TANC2: variants seen among roughly 807,000 people sequenced by gnomAD.
The protein encoded by TANC2 is tetratricopeptide repeat, ankyrin repeat and coiled-coil containing 2.
A neutral mutation model predicts 210.5 loss-of-function variants in TANC2; 26 were observed. That is an observed-to-expected ratio of 0.12 (90% CI 0.09 to 0.17). The LOEUF (loss-of-function observed/expected upper bound fraction) is 0.17. Ranked by LOEUF, TANC2 falls within the 10% of genes least tolerant of loss-of-function variation. TANC2 has a pLI of 1.00. For missense variants in TANC2, 2,129 were observed against 2,608.9 expected, an observed-to-expected ratio of 0.82 and a Z score of 4.01; for synonymous variants, 931 against 967.1, an observed-to-expected ratio of 0.96 and a Z score of 0.69.
intron 12 of TANC2, among the ~76,000 whole-genome samples, chr17:63,346,926 A>G (rs2046432107): frequency 6.6e-6 from 1 of 150,740 alleles, no homozygotes; most frequent in South Asian, 2.1e-4. Flanking sequence ...GGCTGGTCTC[A>G]TACTCCTGGG....
At chr17:63,164,966 G>T (rs1471150183) in intron 5 of TANC2, among the ~76,000 whole-genome samples, 1 of 152,116 alleles carries the variant, frequency 6.6e-6, no homozygotes, top group Non-Finnish European at 1.5e-5. Context: ...CAGTCAGGTT[G>T]ACAAATAAAA....
At chr17:63,369,699 A>G (rs752752382) in intron 14 of TANC2, among the ~76,000 whole-genome samples, 8 of 151,776 alleles carry the variant, frequency 5.3e-5, no homozygotes, top group Non-Finnish European at 8.8e-5. Context: ...GATTATAGGC[A>G]TGTACCACCA....
chr17:63,147,940 G>A (rs1387226019), intron 4 of TANC2, among the ~76,000 whole-genome samples: 1 of 152,140 alleles, frequency 6.6e-6, no homozygotes, highest in African/African-American at 2.4e-5. Flanking sequence ...AATCTGTGAT[G>A]ACAACAGCAA....
At chr17:63,013,332 GT>G (rs917372305) in intron 2 of TANC2, among the ~76,000 whole-genome samples, 17 of 151,658 alleles carry the variant, frequency 1.1e-4, no homozygotes, top group Admixed American at 2.6e-4. Context: ...GGCTTCTTCC[GT>G]TTTTTTCTGG....
At chr17:63,395,989 G>C (rs1211738696) in intron 18 of TANC2, 61 bp downstream of exon 18, 2 of 1,475,592 alleles carry the variant, frequency 1.4e-6, no homozygotes, top group Admixed American at 4.8e-5. Context: ...CAGGAAACCA[G>C]GAGAAAAGAT....
chr17:63,072,597 CTT>C (rs1317505198), intron 2 of TANC2, among the ~76,000 whole-genome samples: 1 of 152,016 alleles, frequency 6.6e-6, no homozygotes, highest in Non-Finnish European at 1.5e-5. Flanking sequence ...TTGCCTATCA[CTT>C]TGAGTATCTT....
At chr17:63,128,975 C>T (rs748557964) in intron 4 of TANC2, among the ~76,000 whole-genome samples, 4 of 152,092 alleles carry the variant, frequency 2.6e-5, no homozygotes, top group East Asian at 1.9e-4. Context: ...TGCATACTTA[C>T]GGACGGTTTA....
intron 25 of TANC2, among the ~76,000 whole-genome samples, chr17:63,415,223 G>A (rs953098274): frequency 4.6e-5 from 7 of 152,208 alleles, no homozygotes; most frequent in African/African-American, 1.4e-4. Flanking sequence ...AAATGAGCAT[G>A]GTCAGCCTCT....
chr17:63,423,499 AG>A (rs1455125188), exon 28 of TANC2: 1 of 152,244 alleles, frequency 6.6e-6, no homozygotes, highest in Admixed American at 6.5e-5. Context: ...AACGAAACAA[AG>A]GAGCATTCGT....
At chr17:63,263,749 A>G (rs1225918890) in intron 8 of TANC2, among the ~76,000 whole-genome samples, 2 of 152,212 alleles carry the variant, frequency 1.3e-5, no homozygotes, top group African/African-American at 4.8e-5. Context: ...TCCCCTTTCA[A>G]CAAATTAATT....
intron 7 of TANC2, among the ~76,000 whole-genome samples, chr17:63,224,518 C>T (rs2042279542): frequency 1.3e-5 from 2 of 152,164 alleles, no homozygotes; most frequent in Non-Finnish European, 2.9e-5. Context: ...GGATTACAGG[C>T]GTGAGCCACC....
At chr17:63,069,766 G>A (rs527867377) in intron 2 of TANC2, among the ~76,000 whole-genome samples, 3 of 152,176 alleles carry the variant, frequency 2.0e-5, no homozygotes, top group Admixed American at 1.3e-4. Context: ...GTAATTTGTT[G>A]ATGTCTGTCT....
chr17:63,238,150 A>T (rs2042674928), intron 8 of TANC2, 73 bp downstream of exon 8: 1 of 1,429,050 alleles, frequency 7.0e-7, no homozygotes, highest in Non-Finnish European at 9.2e-7. Flanking sequence ...ATTGAAATGA[A>T]AATAAATCCT....
At chr17:63,030,010 G>GT (rs2034705187) in intron 2 of TANC2, among the ~76,000 whole-genome samples, 1 of 152,110 alleles carries the variant, frequency 6.6e-6, no homozygotes, top group Admixed American at 6.6e-5. Context: ...ATCAGTTAAT[G>GT]ACATGCTTTG....
intron 8 of TANC2, among the ~76,000 whole-genome samples, chr17:63,263,717 A>G (rs1567864049): frequency 6.6e-6 from 1 of 152,220 alleles, no homozygotes; most frequent in East Asian, 1.9e-4. Flanking sequence ...TTGAAACCAT[A>G]CTTTACCCAA....
At chr17:63,217,114 A>G (rs891231964) in intron 7 of TANC2, among the ~76,000 whole-genome samples, 4 of 152,210 alleles carry the variant, frequency 2.6e-5, no homozygotes, top group African/African-American at 9.6e-5. Flanking sequence ...CTTTTTTTAG[A>G]AAGCAAGTTT....
rs1378293963 is a variant in TANC2, at chr17:63,412,695, C to T, written c.3914C>T (p.Pro1305Leu). ...TTCTTTGAAGGTTGTCAGACGTTAC[C>T]GAGTCGCCCACGAGGTATATTTCAC... The change falls in exon 24 of 28, where the codon CCG becomes CTG. Residue 1305 changes from proline to leucine, a missense_variant. Physicochemically the swap from Pro to Leu is moderately conservative, Grantham distance 98 (BLOSUM62 -3). This residue lies in a region of TANC2 where 644 missense variants were observed against 937.5 expected (regional missense o/e 0.69). Coordinates refer to ENST00000689528, the Ensembl canonical transcript of TANC2. This position sits in a 1 kb window ranked among gnomAD's most constrained non-coding sequence, Gnocchi z 4.2. 5 of 1,535,652 alleles carry T rather than the reference C, an allele frequency of 3.3e-6. No individual in the cohort carries two copies. Among genetic ancestry groups the T allele is most frequent in the Non-Finnish European group, 4.4e-6 (5 of 1,146,872 alleles).
chr17:63,187,770 A>G (rs904213468), intron 5 of TANC2, among the ~76,000 whole-genome samples: 3 of 152,130 alleles, frequency 2.0e-5, no homozygotes, highest in Non-Finnish European at 4.4e-5. Flanking sequence ...AATCAGTCAG[A>G]AAAATCACAG....
At chr17:63,094,293 G>A (rs2037308571) in intron 3 of TANC2, among the ~76,000 whole-genome samples, 1 of 152,092 alleles carries the variant, frequency 6.6e-6, no homozygotes, top group African/African-American at 2.4e-5. Context: ...CAGAGTCACA[G>A]AGTGATGATA....
Sources: allele counts gnomAD v4.1 joint callset (sites outside exome capture counted in the v4.1 genomes callset), GRCh38; gene constraint gnomAD v4.1.1; regional missense constraint gnomAD v4.1.1; non-coding constraint Gnocchi (gnomAD v3.1); transcripts MANE v1.5; gene names NCBI Gene and HGNC (gene_info 2026-07-23, HGNC 2026-07-21).